The following NDUFB9 variants were observed in gnomAD, a reference collection of about 807,000 sequenced individuals.
NDUFB9 encodes NADH dehydrogenase [ubiquinone] 1 beta subcomplex subunit 9.
A neutral mutation model predicts 30.2 loss-of-function variants in NDUFB9; 24 were observed. The ratio of observed to expected loss-of-function variants is 0.80; its 90% CI spans 0.58 to 1.12. The LOEUF (loss-of-function observed/expected upper bound fraction) is 1.12. NDUFB9 is among the 50% of genes most tolerant of loss of function. The pLI is 0.00. For missense variants in NDUFB9, 204 were observed against 226.0 expected (o/e 0.90, Z 0.62); for synonymous variants, 80 against 84.0 (o/e 0.95, Z 0.26).
chr8:124,544,810 TG>T (rs1340997928), intron 2 of NDUFB9, among the ~76,000 whole-genome samples: 1 of 152,194 alleles, frequency 6.6e-6, no homozygotes, highest in Non-Finnish European at 1.5e-5. Context: ...AAATATATTT[TG>T]CATAGTTATA....
At chr8:124,548,832 T>C (rs1822236464) in intron 3 of NDUFB9, among the ~76,000 whole-genome samples, 1 of 152,128 alleles carries the variant, frequency 6.6e-6, no homozygotes, top group Non-Finnish European at 1.5e-5. Context: ...AGGAGGCATT[T>C]AAACAAATGA....
rs766359100 is a variant in NDUFB9, at chr8:124,547,117, C to T, written c.408+4C>T. 12 of 1,602,450 alleles carry T rather than the reference C, an allele frequency of 7.5e-6. No individual in the cohort carries two copies. Among genetic ancestry groups the T allele is most frequent in the Non-Finnish European group, 1.0e-5 (12 of 1,169,784 alleles). Reference sequence around the variant, plus strand: ...GAGGGAAAGCTGGGAACGAGAGGTGCGTTCTACTTGTACTTCGTTATTCCT... The same window carrying T: ...GAGGGAAAGCTGGGAACGAGAGGTGTGTTCTACTTGTACTTCGTTATTCCT... On this transcript the variant is annotated splice_donor_region_variant and intron_variant, in intron 3 of 3. Transcript: ENST00000276689.
In NDUFB9 at chr8:124,548,378, G is replaced by A. The variant is rs567367550; in HGVS notation, c.408+1265G>A. 2.4e-4 allele frequency among the ~76,000 whole-genome samples: 37 copies of A among 152,356 alleles called. No homozygotes were observed. In the South Asian group the frequency reaches 7.5e-3, roughly 31 times the overall value. ...ATACATTTGGGTTAGAAGTTTTGAAGATGACAGACTTGTGTGATAGCTTCC... is the reference window on the plus strand; with the variant it reads ...ATACATTTGGGTTAGAAGTTTTGAAAATGACAGACTTGTGTGATAGCTTCC... On this transcript the variant is annotated intron_variant, in intron 3 of 3. Coordinates refer to ENST00000276689, the MANE Select transcript of NDUFB9 (RefSeq NM_005005.3).
Position 124,549,810 on chromosome 8 carries a change from C to T in NDUFB9, c.458C>T (p.Ala153Val), listed in dbSNP as rs945856680. 2.5e-6 allele frequency: 4 copies of T among 1,614,142 alleles called. No individual in the cohort carries two copies. Among genetic ancestry groups the T allele is most frequent in the Non-Finnish European group, 3.4e-6 (4 of 1,180,028 alleles). ...CCACCTGGTGGTCCTTTAACTGAAG[C>T]TTTGCCCCCTGCCCGAAAGGAAGGT... ...ETPPGGPLTE[A>V]LPPARKEGDL... is the part of the protein sequence containing the mutation. The change falls in exon 4 of 4, where the codon GCT becomes GTT. Residue 153 changes from alanine (A) to valine (V), a missense_variant. Physicochemically the swap from Ala to Val is moderately conservative, Grantham distance 64. Transcript: ENST00000276689.
chr8:124,539,407 GC>G, intron 1 of NDUFB9, 120 bp downstream of exon 1: 1 of 872,238 alleles, frequency 1.1e-6, no homozygotes, highest in Non-Finnish European at 1.9e-6. Flanking sequence ...GTGGCCTCTC[GC>G]TTCACAGAAT....
chr8:124,546,780 G>A (rs1415746370), intron 2 of NDUFB9: 1 of 595,400 alleles, frequency 1.7e-6, no homozygotes, highest in Admixed American at 2.8e-5. Flanking sequence ...ACTGATGATG[G>A]TGCTATTTTT....
chr8:124,540,232 G>A (rs1448127619), intron 1 of NDUFB9, among the ~76,000 whole-genome samples: 1 of 152,218 alleles, frequency 6.6e-6, no homozygotes, highest in Admixed American at 6.5e-5. Flanking sequence ...CAAGTACAAT[G>A]TGATGGGATT....
intron 2 of NDUFB9, among the ~76,000 whole-genome samples, chr8:124,544,514 G>T (rs1822108010): frequency 6.6e-6 from 1 of 152,226 alleles, no homozygotes; most frequent in South Asian, 2.1e-4. Context: ...AGGATAGGCT[G>T]ACTCTCTTGT....
At chr8:124,544,274 G>A (rs1822102987) in intron 2 of NDUFB9, among the ~76,000 whole-genome samples, 1 of 152,198 alleles carries the variant, frequency 6.6e-6, no homozygotes, top group Non-Finnish European at 1.5e-5. Flanking sequence ...GGTCCATGAG[G>A]TTTAAGGAAA....
chr8:124,543,125 G>A lies in NDUFB9; in HGVS notation c.140G>A (p.Arg47Gln), dbSNP rs142723791. The part of the protein sequence containing the change: ...YRYFACLMRA[R>Q]FEEHKNEKDM... ...TACTTTGCTTGTTTGATGAGAGCCC[G>A]GTTTGAAGAACATAAGAATGAAAAG... is the stretch of plus-strand genomic sequence containing the variant. The change falls in exon 2 of 4, where the codon CGG (arginine) becomes CAG (glutamine). Residue 47 changes from arginine to glutamine, a missense_variant. Physicochemically the swap from Arg to Gln is conservative, Grantham distance 43. Coordinates refer to ENST00000276689, the MANE Select transcript of NDUFB9 (RefSeq NM_005005.3). 9 of 1,614,176 alleles carry A rather than the reference G, an allele frequency of 5.6e-6. No individual in the cohort carries two copies. The highest frequency in any genetic ancestry group is 2.2e-5 in the East Asian group (1 of 44,878).
intron 2 of NDUFB9, 156 bp from the exon 3 acceptor site, chr8:124,546,844 C>A (rs1227523417): frequency 5.6e-6 from 4 of 713,336 alleles, no homozygotes; most frequent in Non-Finnish European, 1.0e-5. Flanking sequence ...TCCTACTTAT[C>A]CTCTGCTGTT....
At chr8:124,547,353 A>G in intron 3 of NDUFB9, 1 of 619,750 alleles carries the variant, frequency 1.6e-6, no homozygotes, top group Non-Finnish European at 2.9e-6. Flanking sequence ...CCTTCTCTTT[A>G]GTCCTTTGTC....
chr8:124,542,638 T>C (rs1822041171), intron 1 of NDUFB9, among the ~76,000 whole-genome samples: 1 of 152,220 alleles, frequency 6.6e-6, no homozygotes, highest in Non-Finnish European at 1.5e-5. Context: ...TAGCTCTGTA[T>C]GAGCTAAGCA....
At chr8:124,540,286 A>G (rs1586709158) in intron 1 of NDUFB9, among the ~76,000 whole-genome samples, 1 of 130,714 alleles carries the variant, frequency 7.7e-6, no homozygotes, top group South Asian at 4.0e-4. Flanking sequence ...TATTGATTTG[A>G]CAGAATTTGC....
intron 2 of NDUFB9, among the ~76,000 whole-genome samples, chr8:124,544,594 C>T (rs561423498): frequency 6.6e-4 from 101 of 152,200 alleles, no homozygotes; most frequent in Non-Finnish European, 1.2e-3. Context: ...AATCCTGAGG[C>T]CCTTAAGAAT....
chr8:124,545,983 CA>C (rs1822148406), intron 2 of NDUFB9, among the ~76,000 whole-genome samples: 1 of 152,172 alleles, frequency 6.6e-6, no homozygotes, highest in Non-Finnish European at 1.5e-5. Flanking sequence ...GCTGGGATTA[CA>C]GGCATGTACC....
intron 2 of NDUFB9, among the ~76,000 whole-genome samples, chr8:124,544,236 G>GA (rs1436648201): frequency 6.6e-6 from 1 of 152,126 alleles, no homozygotes; most frequent in South Asian, 2.1e-4. Context: ...GGAAGCTGCA[G>GA]AAAAAAAGTT....
chr8:124,541,025 G>A (rs1415493659), intron 1 of NDUFB9, among the ~76,000 whole-genome samples: 1 of 152,096 alleles, frequency 6.6e-6, no homozygotes, highest in Non-Finnish European at 1.5e-5. Context: ...AATTAGCCAG[G>A]CGTGGTGGTG....
chr8:124,548,449 G>A (rs148523274), intron 3 of NDUFB9, among the ~76,000 whole-genome samples: 1 of 152,296 alleles, frequency 6.6e-6, no homozygotes, highest in African/African-American at 2.4e-5. Flanking sequence ...AGTGGGTGCA[G>A]CATATTTGGA....
Sources: allele counts gnomAD v4.1 joint callset (sites outside exome capture counted in the v4.1 genomes callset), GRCh38; gene constraint gnomAD v4.1.1; transcripts MANE v1.5; gene names NCBI Gene and HGNC (gene_info 2026-07-23, HGNC 2026-07-21).